The following DDX4 variants were observed in gnomAD, a reference collection of about 807,000 sequenced individuals.
DDX4 encodes DEAD-box helicase 4.
Under a neutral mutation model 100.0 loss-of-function variants are expected in DDX4, and 25 were observed. That is an observed-to-expected ratio of 0.25 (90% confidence interval 0.18 to 0.35). The LOEUF is 0.35. Among genes scored for constraint, DDX4 ranks in the 10% least tolerant of loss-of-function variants. The pLI is 1.00. For missense variants in DDX4, 635 were observed against 882.4 expected (o/e 0.72, Z 3.55); for synonymous variants, 259 against 275.7 (o/e 0.94, Z 0.60).
chr5:55,742,260 G>A (rs933748336), intron 2 of DDX4: 4 of 455,828 alleles, frequency 8.8e-6, no homozygotes, highest in African/African-American at 6.0e-5. Context: ...TATGGTGAGT[G>A]TATTAGATAA....
intron 4 of DDX4, among the ~76,000 whole-genome samples, chr5:55,762,364 A>G (rs1369306105): frequency 6.6e-6 from 1 of 152,210 alleles, no homozygotes; most frequent in Non-Finnish European, 1.5e-5. Flanking sequence ...ACACATGGAA[A>G]GAAATACTAC....
At chr5:55,750,767 G>A (rs2111656431) in intron 3 of DDX4, among the ~76,000 whole-genome samples, 2 of 152,178 alleles carry the variant, frequency 1.3e-5, no homozygotes, top group Middle Eastern at 6.8e-3. Flanking sequence ...ATTTTGATGT[G>A]TATTTTTAAC....
In DDX4 at chr5:55,779,815, T is replaced by G. The variant is rs1238535875; in HGVS notation, c.395-149T>G. 2.3e-6 allele frequency: 3 copies of G among 1,318,014 alleles called. No homozygotes were observed. In the African/African-American group the frequency reaches 4.4e-5, roughly 19 times the overall value. The allele number at this position is 1,318,014 out of a possible 1,614,324, so 81.6% of individuals were successfully genotyped here. A position where few individuals can be genotyped will look rare whatever the true frequency, so the allele number is the denominator to read the frequency against. ...TTAGTAAAATTGAACACTTAATAGG[T>G]CAAAATGTCATTTCTTTTTGACAAC... On this transcript the variant is annotated intron_variant, in intron 7 of 21. Coordinates refer to ENST00000505374, the MANE Select transcript of DDX4 (RefSeq NM_024415.3).
Position 55,780,050 on chromosome 5 carries a change from G to C in DDX4, c.481G>C (p.Gly161Arg). The C allele has an allele frequency of 1.2e-6, 2 of 1,613,864 alleles. No individual in the cohort carries two copies. Among genetic ancestry groups the C allele is most frequent in the Non-Finnish European group, 1.7e-6 (2 of 1,179,898 alleles). Residue 161 changes from glycine to arginine, a missense_variant, in exon 8 of 22, where the codon GGT becomes CGT. This residue lies in a region of DDX4 where 446 missense variants were observed against 540.8 expected (regional missense o/e 0.82). Coordinates refer to ENST00000505374, the MANE Select transcript of DDX4 (RefSeq NM_024415.3). ...TTTCCGAGGTTGCCGTGGAGGATTT[G>C]GTCTAGGAAGTCCAAGTTAGTACTG... ...GSFRGCRGGFGLGSPNNDLDP... is the reference protein window; with the variant it reads ...GSFRGCRGGFRLGSPNNDLDP...
chr5:55,795,876 A>G (rs1442354889), intron 17 of DDX4, among the ~76,000 whole-genome samples: 1 of 152,206 alleles, frequency 6.6e-6, no homozygotes, highest in African/African-American at 2.4e-5. Flanking sequence ...GGCTCACACA[A>G]TCACAAGGTG....
At chr5:55,773,433 G>T (rs1741371400) in intron 7 of DDX4, among the ~76,000 whole-genome samples, 1 of 152,120 alleles carries the variant, frequency 6.6e-6, no homozygotes, top group Non-Finnish European at 1.5e-5. Context: ...GCTGTGTCAT[G>T]TGCTAACTCT....
Position 55,752,731 on chromosome 5 carries a change from C to T in DDX4, c.127+6510C>T, listed in dbSNP as rs13186458. Among the ~76,000 whole-genome samples the T allele has an allele frequency of 7.0e-5, 10 of 143,702 alleles. No individual in the cohort carries two copies. In the East Asian group the frequency reaches 8.3e-4, roughly 12 times the overall value. The allele number at this position is 143,702 out of a possible 152,430, so 94.3% of individuals were successfully genotyped here. On this transcript the variant is annotated intron_variant, in intron 3 of 21. Coordinates refer to ENST00000505374, the MANE Select transcript of DDX4 (RefSeq NM_024415.3). ...GGATGGCTGGGTCAAATGGTATTTCCAGTTCTAGATCCCTGAGGAATCGCC... is the reference window on the plus strand; with the variant it reads ...GGATGGCTGGGTCAAATGGTATTTCTAGTTCTAGATCCCTGAGGAATCGCC...
intron 3 of DDX4, among the ~76,000 whole-genome samples, chr5:55,748,686 C>T (rs904267630): frequency 3.3e-5 from 5 of 151,394 alleles, no homozygotes; most frequent in African/African-American, 1.2e-4. Context: ...TAAACCAGGA[C>T]AGTGAATGTA....
Position 55,815,391 on chromosome 5 carries a change from G to A in DDX4, c.2065G>A (p.Gly689Arg). The A allele has an allele frequency of 6.2e-7, 1 of 1,613,448 alleles. No homozygotes were observed. Among genetic ancestry groups the A allele is most frequent in the Non-Finnish European group, 8.5e-7 (1 of 1,179,882 alleles). The stretch of plus-strand genomic sequence containing the variant: ...TCCTGGCTTCAGTGGTAGTACAAGA[G>A]GAAACGTGTTTGCATCAGTTGATAC... ...YIPGFSGSTRGNVFASVDTRK... is the reference protein window; with the variant it reads ...YIPGFSGSTRRNVFASVDTRK... Residue 689 changes from glycine (G) to arginine (R), a missense_variant, in exon 21 of 22, where the codon GGA (glycine) becomes AGA (arginine). Around this residue, in one of 4 missense-constraint regions of DDX4, gnomAD observed 73 missense variants for 98.5 expected, o/e 0.74. Transcript: ENST00000505374.
intron 18 of DDX4, among the ~76,000 whole-genome samples, chr5:55,810,265 T>G (rs1179371396): frequency 1.3e-5 from 2 of 152,034 alleles, no homozygotes; most frequent in Non-Finnish European, 2.9e-5. Context: ...CCATCACGCC[T>G]GGCTAATTTT....
rs1278450567 is a variant in DDX4 at position 55,739,859 on chromosome 5, C to T, written c.69+827C>T. 4.6e-5 allele frequency among the ~76,000 whole-genome samples: 7 copies of T among 152,038 alleles called. No individual in the cohort carries two copies. In the East Asian group the frequency reaches 9.7e-4, roughly 21 times the overall value. ...ATACTAATATAAATTTATCATGTTTCTTTTCTTGGAACTTTTTAAAAGAAA... is the reference window on the plus strand; with the variant it reads ...ATACTAATATAAATTTATCATGTTTTTTTTCTTGGAACTTTTTAAAAGAAA... On this transcript the variant is annotated intron_variant, in intron 2 of 21. Coordinates refer to ENST00000505374, the MANE Select transcript of DDX4 (RefSeq NM_024415.3).
intron 4 of DDX4, 31 bp downstream of exon 4, chr5:55,760,308 G>T: frequency 6.6e-7 from 1 of 1,519,878 alleles, no homozygotes; most frequent in Non-Finnish European, 8.7e-7. Context: ...TTAATCTCCT[G>T]AACTGTTGAA....
intron 18 of DDX4, among the ~76,000 whole-genome samples, chr5:55,798,802 C>A (rs1743124440): frequency 6.6e-6 from 1 of 152,084 alleles, no homozygotes; most frequent in Non-Finnish European, 1.5e-5. Context: ...TTTGAGACTT[C>A]ATTTTAACTA....
chr5:55,747,720 A>T (rs969835538), intron 3 of DDX4, among the ~76,000 whole-genome samples: 1 of 152,146 alleles, frequency 6.6e-6, no homozygotes, highest in African/African-American at 2.4e-5. Context: ...ACTCATTGAA[A>T]AATAACTCCC....
At chr5:55,781,782 A>G in intron 9 of DDX4, 152 bp from the exon 10 acceptor site, 1 of 916,878 alleles carries the variant, frequency 1.1e-6, no homozygotes, top group Non-Finnish European at 1.6e-6. Context: ...AAAAAAAAAA[A>G]AAAAAAGTTA....
rs532989835 is a variant in DDX4, at chr5:55,801,223, T to G, written c.1615+2652T>G. Among the ~76,000 whole-genome samples the G allele has an allele frequency of 3.6e-3, 550 of 151,946 alleles. 2 individuals carry two copies. Among genetic ancestry groups the G allele is most frequent in the African/African-American group, 0.012 (518 of 41,504 alleles). On this transcript the variant is annotated intron_variant, in intron 18 of 21. Coordinates refer to ENST00000505374, the MANE Select transcript of DDX4 (RefSeq NM_024415.3). ...TTAAAACATGATGGGGTGTTTTTTT[T>G]TTTTTTTTTTGCGATTAAAAAAACA...
chr5:55,816,619 T>C lies in DDX4; in HGVS notation c.*79T>C. 1 of 1,560,310 alleles carries C rather than the reference T, an allele frequency of 6.4e-7. No individual in the cohort carries two copies. Among genetic ancestry groups the C allele is most frequent in the Admixed American group, 1.9e-5 (1 of 52,856 alleles). On this transcript the variant is annotated 3_prime_UTR_variant, in exon 22 of 22. Transcript: ENST00000505374. ...GATTTTTGAGTTTTTAACAGAAGTA[T>C]AAAACTTAACATTCTCATAGCTCCT...
chr5:55,782,841 G>A (rs1742008635), intron 10 of DDX4, among the ~76,000 whole-genome samples: 1 of 149,362 alleles, frequency 6.7e-6, no homozygotes, highest in Admixed American at 6.7e-5. Context: ...TGTCACCCAG[G>A]TTGGAGTGCA....
chr5:55,761,132 CAT>C (rs568532807), intron 4 of DDX4, among the ~76,000 whole-genome samples: 76 of 152,156 alleles, frequency 5.0e-4, no homozygotes, highest in Non-Finnish European at 9.1e-4. Flanking sequence ...TATATTTTGA[CAT>C]GTTTCTGCCA....
Sources: gnomAD v4.1 joint callset for allele counts (sites outside exome capture counted in the v4.1 genomes callset) on GRCh38, gnomAD v4.1.1 for gene constraint, gnomAD v4.1.1 regional missense constraint, MANE v1.5 for transcripts, NCBI Gene and HGNC (gene_info 2026-07-23, HGNC 2026-07-21) for gene names.